The following RBFOX1 variants were observed in gnomAD, a reference collection of about 807,000 sequenced individuals.
The protein encoded by RBFOX1 is RNA binding protein fox-1 homolog 1.
Under a neutral mutation model 57.7 loss-of-function variants are expected in RBFOX1, and 8 were observed. The ratio of observed to expected loss-of-function variants is 0.14; its 90% confidence interval spans 0.08 to 0.25. The LOEUF (loss-of-function observed/expected upper bound fraction) is 0.25, where lower values mean the gene tolerates loss of function less well. Ranked by LOEUF, RBFOX1 falls within the 10% of genes least tolerant of loss-of-function variation. The pLI is 1.00. For synonymous variants in RBFOX1, 326 were observed against 222.4 expected, an observed-to-expected ratio of 1.47 and a Z score of -4.15; for missense variants, 611 against 548.5, an observed-to-expected ratio of 1.11 and a Z score of -1.14.
At chr16:5,343,187 A>G (rs1171391468) in intron 1 of RBFOX1, among the ~76,000 whole-genome samples, 4 of 152,124 alleles carry the variant, frequency 2.6e-5, no homozygotes, top group African/African-American at 4.8e-5. Flanking sequence ...TGGGAGACAA[A>G]GATAGAGTGT....
intron 12 of RBFOX1, among the ~76,000 whole-genome samples, chr16:7,660,194 G>A (rs1022407928): frequency 2.0e-5 from 3 of 152,012 alleles, no homozygotes; most frequent in African/African-American, 4.8e-5. Context: ...CTCCCTGCTC[G>A]CATTCATTCA....
intron 4 of RBFOX1, among the ~76,000 whole-genome samples, chr16:7,218,663 TGTGTG>T (rs2092462335): frequency 8.2e-6 from 1 of 121,312 alleles, no homozygotes; most frequent in Non-Finnish European, 1.9e-5. Flanking sequence ...TGTGTGTGTG[TGTGTG>T]TGTGTGTGTG....
At chr16:5,343,632 G>T (rs1051254349) in intron 1 of RBFOX1, among the ~76,000 whole-genome samples, 1 of 152,106 alleles carries the variant, frequency 6.6e-6, no homozygotes, top group Non-Finnish European at 1.5e-5. Flanking sequence ...CTTCTTTGAA[G>T]TTTTAACCAT....
At chr16:5,277,643 A>C (rs1246342910) in intron 1 of RBFOX1, among the ~76,000 whole-genome samples, 2 of 152,120 alleles carry the variant, frequency 1.3e-5, no homozygotes, top group Non-Finnish European at 2.9e-5. Context: ...TCCAGGGCAC[A>C]CAAGTCCATA....
chr16:7,646,513 T>C (rs2063769924), intron 11 of RBFOX1, among the ~76,000 whole-genome samples: 1 of 152,204 alleles, frequency 6.6e-6, no homozygotes, highest in Non-Finnish European at 1.5e-5. Flanking sequence ...TGGGGAAATG[T>C]GTCATTATGG....
chr16:6,564,022 G>T (rs1337818244), intron 2 of RBFOX1, among the ~76,000 whole-genome samples: 1 of 152,010 alleles, frequency 6.6e-6, no homozygotes, highest in African/African-American at 2.4e-5. Flanking sequence ...TGTTGTTTCT[G>T]CTTCTTCCCA....
At chr16:6,007,503 A>T (rs2094934702) in intron 4 of RBFOX1, among the ~76,000 whole-genome samples, 1 of 152,200 alleles carries the variant, frequency 6.6e-6, no homozygotes, top group African/African-American at 2.4e-5. Context: ...CAGCCTTGCC[A>T]GAGACCTTGA....
chr16:5,655,147 G>C (rs925718378), intron 3 of RBFOX1, among the ~76,000 whole-genome samples: 12 of 152,124 alleles, frequency 7.9e-5, no homozygotes, highest in African/African-American at 2.9e-4. Context: ...TTTATTATTT[G>C]TTTGCTATCT....
intron 3 of RBFOX1, among the ~76,000 whole-genome samples, chr16:6,820,016 C>T (rs4786938): frequency 0.28 from 41,873 of 152,062 alleles, 5,790 homozygotes; most frequent in Admixed American, 0.3. Context: ...CCATAATCCC[C>T]ATATGTCATG....
intron 2 of RBFOX1, among the ~76,000 whole-genome samples, chr16:6,391,922 G>A (rs2092622834): frequency 6.6e-6 from 1 of 152,198 alleles, no homozygotes; most frequent in Non-Finnish European, 1.5e-5. Context: ...GCGCTGAGGA[G>A]AGAGTGAATA....
intron 1 of RBFOX1, among the ~76,000 whole-genome samples, chr16:6,149,907 A>C (rs947868285): frequency 1.3e-5 from 2 of 152,238 alleles, no homozygotes; most frequent in Admixed American, 6.5e-5. Context: ...GATTATGTGC[A>C]CTGAACAAAA....
chr16:6,611,679 T>C (rs1378971429), intron 2 of RBFOX1, among the ~76,000 whole-genome samples: 2 of 152,202 alleles, frequency 1.3e-5, no homozygotes, highest in Admixed American at 1.3e-4. Flanking sequence ...GCAAGGATGA[T>C]TCCGGCTTAC....
chr16:7,676,233 T>C (rs1597841216), intron 13 of RBFOX1, among the ~76,000 whole-genome samples: 2 of 152,206 alleles, frequency 1.3e-5, no homozygotes, highest in African/African-American at 2.4e-5. Flanking sequence ...TTTAGACAGC[T>C]ACAGACATTC....
intron 3 of RBFOX1, among the ~76,000 whole-genome samples, chr16:6,732,163 C>T (rs140511801): frequency 1.6e-3 from 237 of 152,234 alleles, no homozygotes; most frequent in African/African-American, 5.4e-3. Context: ...ACATCTGATC[C>T]CTCCATCTTT....
At chr16:6,625,249 A>T (rs1364757645) in intron 2 of RBFOX1, among the ~76,000 whole-genome samples, 1 of 151,282 alleles carries the variant, frequency 6.6e-6, no homozygotes, top group Non-Finnish European at 1.5e-5. Context: ...CAATTATTTA[A>T]TTGCAGTTGA....
At position 6,939,090 on chromosome 16, in the gene RBFOX1, C is replaced by G. The variant is rs914860104; in HGVS notation, c.-15-112967C>G. Among the ~76,000 whole-genome samples, 4 of 152,126 alleles carry G rather than the reference C, an allele frequency of 2.6e-5. No homozygotes were observed. In the South Asian group the frequency reaches 6.2e-4, roughly 24 times the overall value. ...GGTTTGTTCTTTTCCTGTCATTTTA[C>G]TCTTGAAGAAACAGTGGCCCAGAAA... On this transcript the variant is annotated intron_variant, in intron 3 of 15. Transcript: ENST00000550418.
intron 4 of RBFOX1, among the ~76,000 whole-genome samples, chr16:5,922,985 CAG>C (rs2058857085): frequency 6.6e-6 from 1 of 152,264 alleles, no homozygotes; most frequent in East Asian, 1.9e-4. Context: ...ATGTGGAGGA[CAG>C]AGAAAGCCTC....
At chr16:6,903,114 C>T (rs1040814709) in intron 3 of RBFOX1, among the ~76,000 whole-genome samples, 5 of 152,062 alleles carry the variant, frequency 3.3e-5, no homozygotes, top group East Asian at 1.9e-4. Context: ...TTGGAGGACG[C>T]GATTCTGAAG....
intron 2 of RBFOX1, among the ~76,000 whole-genome samples, chr16:6,379,202 C>T (rs2091528666): frequency 6.6e-6 from 1 of 152,024 alleles, no homozygotes; most frequent in Non-Finnish European, 1.5e-5. Flanking sequence ...CTGTAGAAGA[C>T]CCAGCTGAGA....
Sources: gnomAD v4.1 joint callset for allele counts (sites outside exome capture counted in the v4.1 genomes callset) on GRCh38, gnomAD v4.1.1 for gene constraint, MANE v1.5 for transcripts, NCBI Gene and HGNC (gene_info 2026-07-23, HGNC 2026-07-21) for gene names.